Variants in EXOSC9 observed in about 807,000 individuals in gnomAD.
EXOSC9 encodes exosome complex component RRP45.
Under a neutral mutation model 56.5 loss-of-function variants are expected in EXOSC9, and 38 were observed. The observed-to-expected ratio is 0.67, with a 90% CI of 0.52 to 0.88. EXOSC9 has a LOEUF of 0.88. EXOSC9 is among the 40% of genes least tolerant of loss of function. The pLI, the probability that EXOSC9 is intolerant of heterozygous loss-of-function variation, is 0.00. For synonymous variants in EXOSC9, 170 were observed against 170.8 expected, an observed-to-expected ratio of 0.99 and a Z score of 0.04; for missense variants, 559 against 530.5, an observed-to-expected ratio of 1.05 and a Z score of -0.53.
rs1360887208 is a variant in EXOSC9 at position 121,811,668 on chromosome 4, T to C, written c.824T>C (p.Val275Ala). 1 of 1,522,404 alleles carries C rather than the reference T, an allele frequency of 6.6e-7. No individual in the cohort carries two copies. Among genetic ancestry groups the C allele is most frequent in the Admixed American group, 1.9e-5 (1 of 52,272 alleles). 94.3% of individuals were successfully genotyped at this position (1,522,404 alleles called of 1,614,324 possible). A position where few individuals can be genotyped will look rare whatever the true frequency, so the allele number is the denominator to read the frequency against. The change falls in exon 8 of 12, where the codon GTA becomes GCA. Residue 275 changes from valine to alanine, a missense_variant. Physicochemically the swap from Val to Ala is moderately conservative, Grantham distance 64. Coordinates refer to ENST00000243498, the MANE Select transcript of EXOSC9 (RefSeq NM_005033.3). ...ILKALENDQK[V>A]RKEGGKFGFA... ...AAAGCTTTGGAGAATGACCAAAAAG[T>C]AAGGTAAGTAACTTTTCCAGAACTA...
At position 121,802,994 on chromosome 4, in the gene EXOSC9, C is replaced by T. The variant is rs756465279; in HGVS notation, c.361C>T (p.Leu121Phe). Residue 121 changes from leucine to phenylalanine, a missense_variant, in exon 4 of 12, where the codon CTC (leucine) becomes TTC (phenylalanine). Coordinates refer to ENST00000243498, the MANE Select transcript of EXOSC9 (RefSeq NM_005033.3). ...TTCGAAGTGTATAGACACTGAGTCTCTCTGTGTTGTTGCTGGTGAAAAGGT... is the reference window on the plus strand; with the variant it reads ...TTCGAAGTGTATAGACACTGAGTCTTTCTGTGTTGTTGCTGGTGAAAAGGT... ...RNSKCIDTES[L>F]CVVAGEKVWQ... 1 of 1,613,466 alleles carries T rather than the reference C, an allele frequency of 6.2e-7. No individual in the cohort carries two copies. Among genetic ancestry groups the T allele is most frequent in the Non-Finnish European group, 8.5e-7 (1 of 1,179,432 alleles).
chr4:121,814,877 T>C (rs1724430720), intron 10 of EXOSC9: 1 of 152,234 alleles, frequency 6.6e-6, no homozygotes, highest in Non-Finnish European at 1.5e-5. Context: ...AAGCAAATTC[T>C]TGCTGGTCTA....
intron 8 of EXOSC9, among the ~76,000 whole-genome samples, chr4:121,812,705 G>T (rs1038960914): frequency 6.6e-6 from 1 of 151,990 alleles, no homozygotes; most frequent in Non-Finnish European, 1.5e-5. Context: ...TGGCCAGGCC[G>T]GTCTCAAACT....
chr4:121,801,619 A>G (rs1348786343), intron 1 of EXOSC9, 129 bp downstream of exon 1: 2 of 903,636 alleles, frequency 2.2e-6, no homozygotes, highest in African/African-American at 3.4e-5. Context: ...CCCATCCCTC[A>G]GGCTTTATTT....
At chr4:121,811,524 A>T in intron 7 of EXOSC9, 59 bp from the exon 8 acceptor site, 5 of 976,138 alleles carry the variant, frequency 5.1e-6, no homozygotes, top group Non-Finnish European at 6.0e-6. Context: ...TTTTAGTTTC[A>T]TTAGAGAAAA....
intron 10 of EXOSC9, 81 bp from the exon 11 acceptor site, chr4:121,816,288 G>T (rs113190999): frequency 1.2e-6 from 1 of 818,386 alleles, no homozygotes; most frequent in African/African-American, 1.8e-5. Flanking sequence ...ACGTCTGATA[G>T]AAATAAATTC....
At chr4:121,809,179 G>T (rs1168875843) in intron 6 of EXOSC9, among the ~76,000 whole-genome samples, 1 of 150,446 alleles carries the variant, frequency 6.6e-6, no homozygotes, top group East Asian at 2.0e-4. Context: ...TAGAGACAGG[G>T]TCTCACTTTG....
At position 121,813,955 on chromosome 4, in the gene EXOSC9, A is replaced by G. The variant is rs745817801; in HGVS notation, c.1064A>G (p.Lys355Arg). The change falls in exon 10 of 12, where the codon AAG (lysine) becomes AGG (arginine). Residue 355 changes from lysine to arginine, a missense_variant. Lys to Arg is a conservative substitution (Grantham distance 26, BLOSUM62 2). Coordinates refer to ENST00000243498, the MANE Select transcript of EXOSC9 (RefSeq NM_005033.3). ...NSWGDLEDSE[K>R]EDDEGGGDQA... ...TGGGGTGATCTTGAAGACTCTGAGAAGGAAGATGATGAAGGCGGTGGTGAT... is the reference window on the plus strand; with the variant it reads ...TGGGGTGATCTTGAAGACTCTGAGAGGGAAGATGATGAAGGCGGTGGTGAT... 25 of 1,613,668 alleles carry G rather than the reference A, an allele frequency of 1.5e-5. No homozygotes were observed. Among genetic ancestry groups the G allele is most frequent in the Non-Finnish European group, 1.7e-5 (20 of 1,179,736 alleles).
Position 121,815,743 on chromosome 4 carries a change from TA to T in EXOSC9, c.1157-623del, listed in dbSNP as rs562429228. 78 of 990,364 alleles carry T rather than the reference TA, an allele frequency of 7.9e-5. 1 individual carries two copies. In the South Asian group the frequency reaches 2.6e-3, roughly 33 times the overall value. The allele number at this position is 990,364 out of a possible 1,614,324, so 61.3% of individuals were successfully genotyped here. ...ATGGGTTCTTTTATTTCTTGGAATG[TA>T]AACTGGAACTATTTCTGGAGGAATA... On this transcript the variant is annotated intron_variant, in intron 10 of 11. Transcript: ENST00000243498.
chr4:121,804,719 G>C lies in EXOSC9; in HGVS notation c.482G>C (p.Arg161Pro). 1 of 1,613,102 alleles carries C rather than the reference G, an allele frequency of 6.2e-7. No individual in the cohort carries two copies. The highest frequency in any genetic ancestry group is 1.1e-5 in the South Asian group (1 of 90,858). The part of the protein sequence containing the change: ...IAAIVALCHF[R>P]RPDVSVQGDE... ...GCAATCGTGGCCTTATGTCATTTCC[G>C]AAGACCTGATGTCTCTGTCCAAGGA... is the stretch of plus-strand genomic sequence containing the variant. The change falls in exon 5 of 12, where the codon CGA becomes CCA. Residue 161 changes from arginine (R) to proline (P), a missense_variant. Transcript: ENST00000243498.
At chr4:121,815,579 A>G (rs1724466102) in intron 10 of EXOSC9, 2 of 985,354 alleles carry the variant, frequency 2.0e-6, no homozygotes, top group African/African-American at 1.7e-5. Flanking sequence ...TTCTCAAAGT[A>G]TACAATGGCC....
chr4:121,801,542 A>G, intron 1 of EXOSC9, 52 bp downstream of exon 1: 2 of 1,551,082 alleles, frequency 1.3e-6, no homozygotes, highest in Non-Finnish European at 8.9e-7. Flanking sequence ...TCGGGTCTCA[A>G]GGTGTGGACT....
intron 9 of EXOSC9, 61 bp from the exon 10 acceptor site, chr4:121,813,805 C>T (rs541938755): frequency 1.7e-5 from 21 of 1,238,202 alleles, no homozygotes; most frequent in South Asian, 2.7e-5. Flanking sequence ...CTTTCATTCT[C>T]ATCTTCAACA....
chr4:121,815,844 T>TG, intron 10 of EXOSC9: 1 of 1,088,812 alleles, frequency 9.2e-7, no homozygotes, highest in Non-Finnish European at 1.1e-6. Flanking sequence ...TATTATGACA[T>TG]GTACCAAATT....
chr4:121,813,987 A>C lies in EXOSC9; in HGVS notation c.1096A>C (p.Ile366Leu). 6.2e-7 allele frequency: 1 copy of C among 1,613,466 alleles called. No homozygotes were observed. Among genetic ancestry groups the C allele is most frequent in the Non-Finnish European group, 8.5e-7 (1 of 1,179,572 alleles). ...TGATGAAGGCGGTGGTGATCAAGCTATCATTCTTGATGGTATAAAAATGGA... is the reference window on the plus strand; with the variant it reads ...TGATGAAGGCGGTGGTGATCAAGCTCTCATTCTTGATGGTATAAAAATGGA... ...EDDEGGGDQA[I>L]ILDGIKMDTG... Residue 366 changes from isoleucine (I) to leucine (L), a missense_variant, in exon 10 of 12, where the codon ATC (isoleucine) becomes CTC (leucine). Physicochemically the swap from Ile to Leu is conservative, Grantham distance 5. Coordinates refer to ENST00000243498, the MANE Select transcript of EXOSC9 (RefSeq NM_005033.3).
In EXOSC9 at chr4:121,816,871, T is replaced by C. The variant is rs1560630172; in HGVS notation, c.*15T>C. Reference sequence around the variant, plus strand: ...CTGCCAATTAAAGCTAACAGTTGTATATCTGTATATATAACTATTAAAAGG... The same window carrying C: ...CTGCCAATTAAAGCTAACAGTTGTACATCTGTATATATAACTATTAAAAGG... On this transcript the variant is annotated 3_prime_UTR_variant, in exon 12 of 12. Transcript: ENST00000243498. The C allele has an allele frequency of 6.5e-7, 1 of 1,544,036 alleles. No individual in the cohort carries two copies. Among genetic ancestry groups the C allele is most frequent in the Non-Finnish European group, 8.8e-7 (1 of 1,140,088 alleles).
chr4:121,813,949 C>CT lies in EXOSC9; in HGVS notation c.1059dup (p.Glu354Ter). The CT allele has an allele frequency of 1.2e-6, 2 of 1,613,430 alleles. No homozygotes were observed. ...AACTCCTGGGGTGATCTTGAAGACT[C>CT]TGAGAAGGAAGATGATGAAGGCGGT... On this transcript the variant is annotated frameshift_variant, in exon 10 of 12. Transcript: ENST00000243498. LOFTEE classifies it high-confidence loss of function.
chr4:121,813,197 CCCCCTTCCTT>C (rs891029184), intron 8 of EXOSC9, 27 bp from the exon 9 acceptor site: 1 of 1,579,968 alleles, frequency 6.3e-7, no homozygotes, highest in Admixed American at 1.8e-5. Flanking sequence ...TTACCTTCCT[CCCCCTTCCTT>C]CCCACCAAAA....
intron 4 of EXOSC9, among the ~76,000 whole-genome samples, chr4:121,803,418 C>T (rs1726927039): frequency 6.6e-6 from 1 of 152,042 alleles, no homozygotes; most frequent in Non-Finnish European, 1.5e-5. Context: ...AGATGAAATC[C>T]TTCATTTGGA....
Sources: gnomAD v4.1 joint callset for allele counts (sites outside exome capture counted in the v4.1 genomes callset) on GRCh38, gnomAD v4.1.1 for gene constraint, MANE v1.5 for transcripts, NCBI Gene and HGNC (gene_info 2026-07-23, HGNC 2026-07-21) for gene names.